GLI3: variants seen among roughly 807,000 people sequenced by gnomAD.
The protein encoded by GLI3 is GLI family zinc finger 3, also known as transcription activator GLI3.
Under a neutral mutation model 100.8 loss-of-function variants are expected in GLI3, and 20 were observed. That is an observed-to-expected ratio of 0.20 (90% CI 0.14 to 0.29). The LOEUF (loss-of-function observed/expected upper bound fraction) is 0.29. Among genes scored for constraint, GLI3 ranks in the 10% least tolerant of loss-of-function variants. GLI3 has a pLI of 1.00. For missense variants in GLI3, 2,040 were observed against 2,128.5 expected (o/e 0.96, Z 0.82); for synonymous variants, 938 against 860.5 (o/e 1.09, Z -1.58).
At chr7:41,996,156 TA>T (rs1788118206) in intron 10 of GLI3, among the ~76,000 whole-genome samples, 1 of 152,262 alleles carries the variant, frequency 6.6e-6, no homozygotes, top group African/African-American at 2.4e-5. Flanking sequence ...TAAATGCCTT[TA>T]AACTGTATGT....
Position 41,967,734 on chromosome 7 carries a change from C to G in GLI3, c.2293G>C (p.Ala765Pro). 6.2e-7 allele frequency: 1 copy of G among 1,614,182 alleles called. No homozygotes were observed. Among genetic ancestry groups the G allele is most frequent in the Non-Finnish European group, 8.5e-7 (1 of 1,180,038 alleles). Residue 765 changes from alanine to proline, a missense_variant, in exon 14 of 15, where the codon GCC becomes CCC. This residue lies in a region of GLI3 where 327 missense variants were observed against 338.7 expected (regional missense o/e 0.97). Transcript: ENST00000395925. The stretch of plus-strand genomic sequence containing the variant: ...TTGGTCCCTGCCGGGTTTCTCCTGG[C>G]TTGCAAAGCAAGGGCTGTGGTTGCA... ...STATTALALQ[A>P]RRNPAGTKWM...
intron 2 of GLI3, among the ~76,000 whole-genome samples, chr7:42,154,785 G>T (rs1261601368): frequency 1.3e-5 from 2 of 152,124 alleles, no homozygotes; most frequent in African/African-American, 4.8e-5. Flanking sequence ...CAAAGCCAGG[G>T]GCTGCTCCCT....
chr7:42,160,091 T>C (rs1001205249), intron 2 of GLI3, among the ~76,000 whole-genome samples: 11 of 152,210 alleles, frequency 7.2e-5, no homozygotes, highest in African/African-American at 2.7e-4. Context: ...CAAAGGCAGA[T>C]AGTAAAACTT....
At chr7:42,124,995 T>A (rs961722771) in intron 3 of GLI3, among the ~76,000 whole-genome samples, 1 of 152,154 alleles carries the variant, frequency 6.6e-6, no homozygotes, top group Non-Finnish European at 1.5e-5. Flanking sequence ...TCAAAAGAAC[T>A]CAACAATCCC....
At chr7:42,021,610 A>T (rs1228119981) in intron 10 of GLI3, among the ~76,000 whole-genome samples, 1 of 152,244 alleles carries the variant, frequency 6.6e-6, no homozygotes, top group Non-Finnish European at 1.5e-5. Flanking sequence ...CCTGCCTCTT[A>T]TGAGGAGCAC....
intron 3 of GLI3, among the ~76,000 whole-genome samples, chr7:42,086,007 C>T (rs1431220988): frequency 2.0e-5 from 3 of 152,194 alleles, no homozygotes; most frequent in African/African-American, 4.8e-5. Context: ...GGATTATTGA[C>T]TCTGCTTCTT....
Position 41,972,571 on chromosome 7 carries a change from G to C in GLI3, c.1869C>G (p.Ser623=), listed in dbSNP as rs995338235. ...GCACTGTCTTCACATGTTTCCGGAG[G>C]GAGCTTGGGTCTGTGTAACGCTTAG... The part of the protein sequence containing the change: ...GCTKRYTDPS[S]LRKHVKTVHG... The change falls in exon 13 of 15, where the codon TCC becomes TCG. Residue 623 remains serine (S), a synonymous_variant. Transcript: ENST00000395925. The surrounding 1 kb of genome is among the most constrained non-coding windows in gnomAD (Gnocchi z 4.4). The C allele has an allele frequency of 6.2e-7, 1 of 1,610,612 alleles. No individual in the cohort carries two copies. Among genetic ancestry groups the C allele is most frequent in the African/African-American group, 1.3e-5 (1 of 74,986 alleles).
intron 13 of GLI3, among the ~76,000 whole-genome samples, chr7:41,968,681 A>C (rs1436152599): frequency 8.3e-6 from 1 of 120,486 alleles, no homozygotes; most frequent in Non-Finnish European, 1.8e-5. Flanking sequence ...AAAGAAAGAA[A>C]GAAAGAAGAA....
intron 4 of GLI3, among the ~76,000 whole-genome samples, chr7:42,064,605 C>T (rs1172095030): frequency 1.3e-5 from 2 of 152,156 alleles, no homozygotes; most frequent in African/African-American, 2.4e-5. Context: ...ATGTAACCAA[C>T]ATATTATTGG....
At chr7:42,174,732 C>T (rs766886645) in intron 2 of GLI3, among the ~76,000 whole-genome samples, 12 of 152,276 alleles carry the variant, frequency 7.9e-5, no homozygotes, top group South Asian at 2.1e-4. Flanking sequence ...TCATCAACCG[C>T]CCCCCAGGGC....
intron 3 of GLI3, among the ~76,000 whole-genome samples, chr7:42,079,333 T>C (rs3801166): frequency 0.88 from 134,260 of 152,212 alleles, 59,267 homozygotes; most frequent in East Asian, 0.99. Flanking sequence ...AACAAAAAAT[T>C]AAGTGGGGTC....
intron 2 of GLI3, among the ~76,000 whole-genome samples, chr7:42,218,857 G>A (rs113457543): frequency 2.6e-4 from 40 of 152,120 alleles, no homozygotes; most frequent in African/African-American, 9.6e-4. Flanking sequence ...TTTTAAAGCC[G>A]AGTTGCAGAT....
intron 10 of GLI3, among the ~76,000 whole-genome samples, chr7:42,002,815 A>G (rs2128722417): frequency 6.6e-6 from 1 of 152,340 alleles, no homozygotes; most frequent in African/African-American, 2.4e-5. Flanking sequence ...TGGCAATGTG[A>G]CAAGAGACAA....
At chr7:42,055,403 G>A (rs561970770) in intron 4 of GLI3, among the ~76,000 whole-genome samples, 368 of 152,038 alleles carry the variant, frequency 2.4e-3, no homozygotes, top group Non-Finnish European at 3.6e-3. Flanking sequence ...CAGCTGGCTC[G>A]CCTTCCCTCC....
At chr7:42,236,831 A>G (rs1788811164) in intron 1 of GLI3, 140 bp downstream of exon 1, 1 of 152,160 alleles carries the variant, frequency 6.6e-6, no homozygotes, top group Non-Finnish European at 1.5e-5. Flanking sequence ...GCGGCTCTCT[A>G]AATCTGGGCG....
Position 42,254,438 on chromosome 7 carries a change from A to G in GLI3, c.-43+9556T>C, listed in dbSNP as rs370501680. ...AGAGTGAGGAAAAGAGAGTATTTCA[A>G]AAGGGTTGACTGGCCGACTGGGTTG... On this transcript the variant is annotated intron_variant, in intron 1 of 2. Transcript: ENST00000678978. Among the ~76,000 whole-genome samples, 7 of 152,298 alleles carry G rather than the reference A, an allele frequency of 4.6e-5. No individual in the cohort carries two copies. In the South Asian group the frequency reaches 8.3e-4, roughly 18 times the overall value.
At chr7:42,187,300 A>G (rs1265320006) in intron 2 of GLI3, among the ~76,000 whole-genome samples, 2 of 152,170 alleles carry the variant, frequency 1.3e-5, no homozygotes, top group Middle Eastern at 3.4e-3. Flanking sequence ...CCCCAAATAC[A>G]TTTTCTTTTG....
chr7:41,985,122 T>C (rs1195309416), intron 10 of GLI3, among the ~76,000 whole-genome samples: 3 of 152,256 alleles, frequency 2.0e-5, no homozygotes, highest in Non-Finnish European at 2.9e-5. Flanking sequence ...CCCCCAGTTG[T>C]ATTTCCAATT....
intron 10 of GLI3, among the ~76,000 whole-genome samples, chr7:42,013,070 A>G (rs1251926269): frequency 6.6e-6 from 1 of 152,208 alleles, no homozygotes; most frequent in African/African-American, 2.4e-5. Flanking sequence ...TTGACCGGAG[A>G]GAGTCCTGTG....
Sources: allele counts gnomAD v4.1 joint callset (sites outside exome capture counted in the v4.1 genomes callset), GRCh38; gene constraint gnomAD v4.1.1; regional missense constraint gnomAD v4.1.1; non-coding constraint Gnocchi (gnomAD v3.1); transcripts MANE v1.5; gene names NCBI Gene and HGNC (gene_info 2026-07-23, HGNC 2026-07-21).